Variants in FBXW10B observed in about 807,000 individuals in gnomAD.
FBXW10B encodes F-box and WD repeat domain containing 10B, also known as F-box and WD repeat domain containing protein 10B.
At chr17:15,574,263 G>T in the FBXW10B span, 1 of 601,490 alleles carries the variant, frequency 1.7e-6, no homozygotes, top group Non-Finnish European at 2.9e-6. Flanking sequence ...TAAAAAAAAT[G>T]ATTGTCTTAT....
At chr17:15,606,633 A>G in the FBXW10B span, among the ~76,000 whole-genome samples, 30,895 of 145,176 alleles carry the variant, frequency 0.21, 3,558 homozygotes, top group East Asian at 0.41. Flanking sequence ...ATGTACATAT[A>G]TGTATATGTG....
chr17:15,595,045 A>G, the FBXW10B span: 2 of 724,982 alleles, frequency 2.8e-6, no homozygotes, highest in African/African-American at 1.9e-5. Flanking sequence ...CTTTTGCTCT[A>G]AGAAGGCCAA....
chr17:15,613,843 C>T, the FBXW10B span: 1 of 1,608,588 alleles, frequency 6.2e-7, no homozygotes, highest in South Asian at 1.1e-5. Flanking sequence ...TTAGAATGTA[C>T]TTGGAGAGGT....
At chr17:15,605,185 A>C in the FBXW10B span, 8 of 1,589,100 alleles carry the variant, frequency 5.0e-6, no homozygotes, top group South Asian at 9.2e-5. Context: ...TCTAGGCCCT[A>C]GGTGGGACAG....
the FBXW10B span, among the ~76,000 whole-genome samples, chr17:15,616,582 A>C: frequency 6.6e-6 from 1 of 151,984 alleles, no homozygotes; most frequent in Non-Finnish European, 1.5e-5. Context: ...AGGCAGGCGG[A>C]TCACAAGGTC....
chr17:15,606,168 A>G, the FBXW10B span, among the ~76,000 whole-genome samples: 4 of 141,482 alleles, frequency 2.8e-5, no homozygotes, highest in South Asian at 9.5e-4. Flanking sequence ...GCCTCAAACG[A>G]TCTTCCTACC....
chr17:15,594,981 C>G, the FBXW10B span: 1 of 1,553,430 alleles, frequency 6.4e-7, no homozygotes, highest in Non-Finnish European at 8.7e-7. Flanking sequence ...CCAAAGCCAC[C>G]CCCCAACCAA....
chr17:15,600,774 G>A, the FBXW10B span, among the ~76,000 whole-genome samples: 3 of 152,106 alleles, frequency 2.0e-5, no homozygotes, highest in African/African-American at 7.2e-5. Flanking sequence ...TGTCGGCCGG[G>A]CGCGGTGGCT....
At chr17:15,575,325 C>G in the FBXW10B span, among the ~76,000 whole-genome samples, 1 of 139,494 alleles carries the variant, frequency 7.2e-6, no homozygotes, top group Non-Finnish European at 1.5e-5. Context: ...GTTGTGGGGC[C>G]TGAGGGCTCT....
the FBXW10B span, among the ~76,000 whole-genome samples, chr17:15,600,946 G>C: frequency 6.9e-6 from 1 of 145,480 alleles, no homozygotes; most frequent in African/African-American, 2.5e-5. Flanking sequence ...AGCTACTCGG[G>C]AGGCTGAGGC....
At chr17:15,614,334 G>T in the FBXW10B span, among the ~76,000 whole-genome samples, 1 of 151,274 alleles carries the variant, frequency 6.6e-6, no homozygotes, top group South Asian at 2.1e-4. Flanking sequence ...GACTACAGGC[G>T]CCCGCCACCA....
chr17:15,604,692 G>A, the FBXW10B span, among the ~76,000 whole-genome samples: 7 of 151,930 alleles, frequency 4.6e-5, no homozygotes, highest in African/African-American at 7.3e-5. Context: ...CCGCCACCAC[G>A]CCCAGCTAAT....
chr17:15,595,579 C>A, the FBXW10B span, among the ~76,000 whole-genome samples: 2 of 151,954 alleles, frequency 1.3e-5, no homozygotes, highest in East Asian at 3.9e-4. Context: ...CAGCTCCTTG[C>A]CAGAACCCAG....
chr17:15,587,986 A>C, the FBXW10B span, among the ~76,000 whole-genome samples: 1 of 152,244 alleles, frequency 6.6e-6, no homozygotes, highest in African/African-American at 2.4e-5. Context: ...ATAAACATGC[A>C]TATAAGCAGG....
At chr17:15,588,610 C>T in the FBXW10B span, 3 of 450,204 alleles carry the variant, frequency 6.7e-6, no homozygotes, top group Non-Finnish European at 1.2e-5. Flanking sequence ...CTAATCCTGA[C>T]TCTCTTAACC....
chr17:15,569,096 A>C, the FBXW10B span: 1 of 611,744 alleles, frequency 1.6e-6, no homozygotes, highest in East Asian at 3.4e-5. Context: ...ACTATAATAA[A>C]CATGAGTACA....
chr17:15,572,589 T>C, the FBXW10B span: 5 of 152,024 alleles, frequency 3.3e-5, no homozygotes, highest in Admixed American at 1.3e-4. Context: ...AAGATCATTC[T>C]AGGTGGGCAT....
At chr17:15,618,608 G>A in the FBXW10B span, among the ~76,000 whole-genome samples, 1 of 151,386 alleles carries the variant, frequency 6.6e-6, no homozygotes, top group Non-Finnish European at 1.5e-5. Flanking sequence ...TTCTGTGCAG[G>A]GCAGCTGAAG....
At chr17:15,599,534 C>T in the FBXW10B span, among the ~76,000 whole-genome samples, 11 of 143,732 alleles carry the variant, frequency 7.7e-5, no homozygotes, top group Admixed American at 7.1e-5. Context: ...TAGATAGAAG[C>T]GTCCTGAATG....
Sources: gnomAD v4.1 joint callset for allele counts (sites outside exome capture counted in the v4.1 genomes callset) on GRCh38, gnomAD v4.1.1 for gene constraint, MANE v1.5 for transcripts, NCBI Gene and HGNC (gene_info 2026-07-23, HGNC 2026-07-21) for gene names.